The following GTPBP4 variants were observed in gnomAD, a reference collection of about 807,000 sequenced individuals.
GTPBP4 encodes the protein GTP-binding protein 4.
GTPBP4 carries 15 observed loss-of-function variants against 81.7 expected under a neutral mutation model. That is an observed-to-expected ratio of 0.18 (90% CI 0.12 to 0.28). The LOEUF (loss-of-function observed/expected upper bound fraction) is 0.28, where lower values mean the gene tolerates loss of function less well. Among genes scored for constraint, GTPBP4 ranks in the 10% least tolerant of loss-of-function variants. GTPBP4 has a pLI of 1.00. For missense variants in GTPBP4, 847 were observed against 793.8 expected, an observed-to-expected ratio of 1.07 and a Z score of -0.81; for synonymous variants, 272 against 274.6, an observed-to-expected ratio of 0.99 and a Z score of 0.09.
intron 8 of GTPBP4, among the ~76,000 whole-genome samples, chr10:1,004,062 T>C (rs1009319628): frequency 6.6e-6 from 1 of 152,154 alleles, no homozygotes; most frequent in African/African-American, 2.4e-5. Flanking sequence ...GGCACAGTCC[T>C]GGCCTGACTC....
rs1831974710 is a variant in GTPBP4, at chr10:1,015,690, GCACT to G, written c.1609-62_1609-59del. The G allele has an allele frequency of 2.9e-4, 2 of 6,902 alleles. 1 individual carries two copies. 0.4% of individuals were successfully genotyped at this position (6,902 alleles called of 1,614,324 possible). On this transcript the variant is annotated intron_variant, in intron 15 of 16. Coordinates refer to ENST00000360803, the MANE Select transcript of GTPBP4 (RefSeq NM_012341.3). ...GTGGACCTGGGGTCCTGAGCGCTGA[GCACT>G]GAGCCTGGGAGTGGACCTGGGGTCC...
chr10:988,551 T>A (rs1440101106), intron 1 of GTPBP4, 24 bp downstream of exon 1: 2 of 1,591,604 alleles, frequency 1.3e-6, no homozygotes, highest in Non-Finnish European at 1.7e-6. Flanking sequence ...GGAGGGCCAC[T>A]GCAACTTTCG....
intron 10 of GTPBP4, 134 bp downstream of exon 10, chr10:1,007,262 T>G: frequency 1.6e-6 from 1 of 609,014 alleles, no homozygotes; most frequent in Non-Finnish European, 3.0e-6. Context: ...CAGTTTCACC[T>G]TCTTGCTTAC....
Position 1,009,509 on chromosome 10 carries a change from A to G in GTPBP4, c.1192-20A>G, listed in dbSNP as rs1276425784. 6.4e-7 allele frequency: 1 copy of G among 1,567,854 alleles called. No individual in the cohort carries two copies. The highest frequency in any genetic ancestry group is 8.8e-7 in the Non-Finnish European group (1 of 1,137,970). ...TGAAAGGCAAAATGAAGCTGATGAT[A>G]ATTTCTCTTTCTATTGCAGGAACGA... On this transcript the variant is annotated intron_variant, in intron 11 of 16. Transcript: ENST00000360803.
At chr10:1,004,034 C>T (rs1368162506) in intron 8 of GTPBP4, among the ~76,000 whole-genome samples, 2 of 152,156 alleles carry the variant, frequency 1.3e-5, no homozygotes, top group Non-Finnish European at 2.9e-5. Flanking sequence ...GTGGCTGTGG[C>T]TCCACCCGTG....
rs1056456921 is a variant in GTPBP4 at position 1,019,193 on chromosome 10, G to C, written c.*1966G>C. ...CCTCATGGTCCAGCCAGGCTAGTCC[G>C]CCTGCTTCAGGACTCTCAAGATCTC... On this transcript the variant is annotated 3_prime_UTR_variant, in exon 17 of 17. Coordinates refer to ENST00000360803, the MANE Select transcript of GTPBP4 (RefSeq NM_012341.3). The C allele has an allele frequency of 1.3e-5, 3 of 237,882 alleles. No individual in the cohort carries two copies. The highest frequency in any genetic ancestry group is 1.3e-4 in the South Asian group (2 of 14,916). The allele number at this position is 237,882 out of a possible 1,614,324, so 14.7% of individuals were successfully genotyped here. A position where few individuals can be genotyped will look rare whatever the true frequency, so the allele number is the denominator to read the frequency against.
Position 1,019,898 on chromosome 10 carries a change from T to G in GTPBP4, c.*2671T>G. Reference sequence around the variant, plus strand: ...GTAAAACACAGAATTTACAGAAAAATAGAGAAAATAAACACATTTGTTTTC... The same window carrying G: ...GTAAAACACAGAATTTACAGAAAAAGAGAGAAAATAAACACATTTGTTTTC... On this transcript the variant is annotated 3_prime_UTR_variant, in exon 17 of 17. Transcript: ENST00000360803. 3.4e-6 allele frequency: 4 copies of G among 1,176,152 alleles called. No homozygotes were observed. Among genetic ancestry groups the G allele is most frequent in the Non-Finnish European group, 5.0e-6 (4 of 804,008 alleles). 72.9% of individuals were successfully genotyped at this position (1,176,152 alleles called of 1,614,324 possible).
At chr10:1,002,215 G>A (rs1041895175) in intron 8 of GTPBP4, among the ~76,000 whole-genome samples, 9 of 152,190 alleles carry the variant, frequency 5.9e-5, no homozygotes, top group African/African-American at 1.9e-4. Context: ...GAGCCACTGC[G>A]CCTGGCCTAC....
At chr10:1,006,053 G>A (rs1831724088) in intron 9 of GTPBP4, 146 bp downstream of exon 9, 2 of 569,644 alleles carry the variant, frequency 3.5e-6, no homozygotes, top group Non-Finnish European at 6.2e-6. Context: ...TGCGAGAGTG[G>A]GGCGTGAAGA....
At chr10:1,005,080 G>A (rs1831701762) in intron 8 of GTPBP4, among the ~76,000 whole-genome samples, 1 of 152,166 alleles carries the variant, frequency 6.6e-6, no homozygotes, top group Non-Finnish European at 1.5e-5. Context: ...ACCTCCTCCT[G>A]GGTCCCGTTG....
At chr10:1,009,190 C>G (rs1831806046) in intron 11 of GTPBP4, among the ~76,000 whole-genome samples, 155 bp downstream of exon 11, 1 of 152,208 alleles carries the variant, frequency 6.6e-6, no homozygotes, top group African/African-American at 2.4e-5. Context: ...CTGCAGAAGC[C>G]TCTCTCATGG....
intron 15 of GTPBP4, among the ~76,000 whole-genome samples, chr10:1,015,413 C>A (rs1348399069): frequency 8.2e-6 from 1 of 121,734 alleles, no homozygotes; most frequent in Non-Finnish European, 1.7e-5. Flanking sequence ...GGGTCCTGAG[C>A]GCTGAGCCTG....
chr10:1,015,987 C>A, intron 16 of GTPBP4, 91 bp downstream of exon 16: 1 of 1,157,214 alleles, frequency 8.6e-7, no homozygotes, highest in Non-Finnish European at 1.3e-6. Context: ...TTGCCATTTG[C>A]AGGAACTATG....
chr10:997,518 C>T (rs1402557710), intron 5 of GTPBP4, among the ~76,000 whole-genome samples: 1 of 152,232 alleles, frequency 6.6e-6, no homozygotes, highest in Admixed American at 6.5e-5. Flanking sequence ...GTTCCCGGTG[C>T]CTGAGCACGC....
chr10:1,003,076 A>G lies in GTPBP4; in HGVS notation c.912+2063A>G, dbSNP rs567314415. ...GTATTCACTTAATGTTGTCCCATAAATCTTATAGGCTTCCTTCATTCTTTT... is the reference window on the plus strand; with the variant it reads ...GTATTCACTTAATGTTGTCCCATAAGTCTTATAGGCTTCCTTCATTCTTTT... On this transcript the variant is annotated intron_variant, in intron 8 of 16. Transcript: ENST00000360803. Among the ~76,000 whole-genome samples the G allele has an allele frequency of 4.6e-5, 7 of 152,294 alleles. No individual in the cohort carries two copies. The East Asian group carries it at 1.4e-3, about 29-fold the overall frequency.
At chr10:994,017 C>T (rs1399986140) in intron 2 of GTPBP4, among the ~76,000 whole-genome samples, 1 of 151,988 alleles carries the variant, frequency 6.6e-6, no homozygotes, top group Non-Finnish European at 1.5e-5. Flanking sequence ...CCTTGGCCTC[C>T]CAAAGTGCTG....
chr10:1,006,994 G>C (rs775661679), intron 9 of GTPBP4, 24 bp from the exon 10 acceptor site: 1 of 1,437,644 alleles, frequency 7.0e-7, no homozygotes, highest in Admixed American at 1.7e-5. Flanking sequence ...GTTTGTGACT[G>C]TGCCTTCTTT....
chr10:998,839 G>T lies in GTPBP4; in HGVS notation c.562-164G>T, dbSNP rs3793776. On this transcript the variant is annotated intron_variant, in intron 5 of 16. Coordinates refer to ENST00000360803, the MANE Select transcript of GTPBP4 (RefSeq NM_012341.3). ...GTCCTAGTACCCCAGTCCTTGGCCT[G>T]GTGGTGCAAAGGGAGAGGTACCAGG... Among the ~76,000 whole-genome samples, 1,562 of 152,288 alleles carry T rather than the reference G, an allele frequency of 0.01. 46 individuals are homozygous for T. The East Asian group carries it at 0.11, about 11-fold the overall frequency.
rs145226279 is a variant in GTPBP4 at position 1,003,902 on chromosome 10, G to A, written c.913-1916G>A. Among the ~76,000 whole-genome samples the A allele has an allele frequency of 2.8e-3, 422 of 152,252 alleles. 1 individual carries two copies. Among genetic ancestry groups the A allele is most frequent in the Non-Finnish European group, 5.0e-3 (337 of 68,014 alleles). ...GGTACTCAGGGTAGCTGTGGGACTGGGGTCCTAGCCTTAGGGTCTTGTGTG... is the reference window on the plus strand; with the variant it reads ...GGTACTCAGGGTAGCTGTGGGACTGAGGTCCTAGCCTTAGGGTCTTGTGTG... On this transcript the variant is annotated intron_variant, in intron 8 of 16. Coordinates refer to ENST00000360803, the MANE Select transcript of GTPBP4 (RefSeq NM_012341.3).
Sources: gnomAD v4.1 joint callset for allele counts (sites outside exome capture counted in the v4.1 genomes callset) on GRCh38, gnomAD v4.1.1 for gene constraint, MANE v1.5 for transcripts, NCBI Gene and HGNC (gene_info 2026-07-23, HGNC 2026-07-21) for gene names.